The following GJE1 variants were observed in gnomAD, a reference collection of about 807,000 sequenced individuals.
GJE1 encodes gap junction protein epsilon 1.
A neutral mutation model predicts 6.2 loss-of-function variants in GJE1; 9 were observed. That is an observed-to-expected ratio of 1.45 (90% confidence interval 0.87 to 2.52). GJE1 has a LOEUF of 2.52. Ranked by LOEUF, GJE1 falls within the 30% of genes most tolerant of loss-of-function variation. The pLI is 0.00. For synonymous variants in GJE1, 65 were observed against 30.1 expected (o/e 2.16, Z -3.80); for missense variants, 190 against 87.7 (o/e 2.17, Z -4.66).
At chr6:142,133,890 T>C (rs1458870838) in exon 2 of GJE1, 19 of 702,062 alleles carry the variant, frequency 2.7e-5, no homozygotes, top group Non-Finnish European at 4.7e-5. Flanking sequence ...CACACCCTTT[T>C]CTTTGGATCG....
intron 1 of GJE1, 95 bp downstream of exon 1, chr6:142,133,292 C>G (rs2114608643): frequency 2.0e-6 from 1 of 506,910 alleles, no homozygotes; most frequent in South Asian, 3.3e-5. Flanking sequence ...TTCTCTACAT[C>G]TATGGAGAAT....
chr6:142,134,606 T>A (rs761569315), exon 3 of GJE1: 8 of 668,788 alleles, frequency 1.2e-5, no homozygotes, highest in Non-Finnish European at 2.1e-5. Context: ...TGTAAAAGCA[T>A]CAATCAAGAA....
rs1332261655 is a variant in GJE1 at position 142,134,734 on chromosome 6, TCTCTTTAC to T, written c.433_440del (p.Leu145ValfsTer2). The T allele has an allele frequency of 1.7e-5, 12 of 690,038 alleles. No individual in the cohort carries two copies. Among genetic ancestry groups the T allele is most frequent in the Non-Finnish European group, 3.1e-5 (12 of 381,154 alleles). The allele number at this position is 690,038 out of a possible 1,614,324, so 42.7% of individuals were successfully genotyped here. The stretch of plus-strand genomic sequence containing the variant: ...TTACCTCTTTGGTTTCCAAGTAAAA[TCTCTTTAC>T]CTGTGTGATGCTAGATCTCTTGGGG... On this transcript the variant is annotated frameshift_variant, in exon 3 of 3. Transcript: ENST00000450456. LOFTEE classifies it high-confidence loss of function.
At chr6:142,133,960 C>G (rs2114609290) in exon 2 of GJE1, 1 of 702,516 alleles carries the variant, frequency 1.4e-6, no homozygotes, top group Non-Finnish European at 2.6e-6. Context: ...AGGCCTTGCA[C>G]TTCATTTGCG....
In GJE1 at chr6:142,134,641, A is replaced by ACTATAATTTATATACTCTCTGTT; in HGVS notation, c.338_360dup (p.Leu122Ter). 1 of 692,796 alleles carries ACTATAATTTATATACTCTCTGTT rather than the reference A, an allele frequency of 1.4e-6. No individual in the cohort carries two copies. The highest frequency in any genetic ancestry group is 2.6e-6 in the Non-Finnish European group (1 of 382,086). The allele number at this position is 692,796 out of a possible 1,614,324, so 42.9% of individuals were successfully genotyped here. A position where few individuals can be genotyped will look rare whatever the true frequency, so the allele number is the denominator to read the frequency against. The stretch of plus-strand genomic sequence containing the variant: ...ATGCATTCTTCAAAAGCCTATCTAC[A>ACTATAATTTATATACTCTCTGTT]CTATAATTTATATACTCTCTGTTTT... On this transcript the variant is annotated frameshift_variant, in exon 3 of 3. Coordinates refer to ENST00000450456, the Ensembl canonical transcript of GJE1. LOFTEE classifies it high-confidence loss of function.
exon 2 of GJE1, chr6:142,133,870 T>C (rs1299256336): frequency 2.9e-6 from 2 of 697,246 alleles, no homozygotes; most frequent in Non-Finnish European, 5.3e-6. Flanking sequence ...CAACTGTGAT[T>C]GGTCAATTCC....
chr6:142,134,946 C>T, exon 3 of GJE1: 1 of 515,162 alleles, frequency 1.9e-6, no homozygotes, highest in South Asian at 3.2e-5. Flanking sequence ...TATTGTCATG[C>T]TGCAGTTATT....
At chr6:142,133,852 T>A (rs966344127) in exon 2 of GJE1, 1 of 678,600 alleles carries the variant, frequency 1.5e-6, no homozygotes, top group Non-Finnish European at 2.7e-6. Flanking sequence ...CATAACAGGT[T>A]AAACCTCCAA....
At chr6:142,134,886 C>T (rs775493358) in exon 3 of GJE1, 1 of 618,094 alleles carries the variant, frequency 1.6e-6, no homozygotes. Flanking sequence ...TTTTTGAGAT[C>T]ATATTTAGAA....
At chr6:142,134,033 G>A (rs1163207452) in exon 2 of GJE1, 1 of 682,948 alleles carries the variant, frequency 1.5e-6, no homozygotes. Flanking sequence ...CACTCCACAA[G>A]TAAGTTTTTC....
chr6:142,133,557 T>C (rs1013788147), intron 1 of GJE1, among the ~76,000 whole-genome samples: 3 of 152,206 alleles, frequency 2.0e-5, no homozygotes, highest in African/African-American at 7.2e-5. Context: ...TCTGATTTTA[T>C]TTCAAAGGGA....
At chr6:142,133,288 A>C (rs1333899961) in intron 1 of GJE1, 91 bp downstream of exon 1, 5 of 520,346 alleles carry the variant, frequency 9.6e-6, no homozygotes, top group Admixed American at 6.2e-5. Context: ...TAAATTCTCT[A>C]CATCTATGGA....
At position 142,134,502 on chromosome 6, in the gene GJE1, T is replaced by G. The variant is rs148069821; in HGVS notation, c.235-37T>G. The G allele has an allele frequency of 3.4e-3, 1,644 of 479,966 alleles. 5 individuals carry two copies. Among genetic ancestry groups the G allele is most frequent in the Admixed American group, 4.7e-3 (124 of 26,286 alleles). 29.7% of individuals were successfully genotyped at this position (479,966 alleles called of 1,614,324 possible). On this transcript the variant is annotated intron_variant, in intron 2 of 2. Coordinates refer to ENST00000450456, the Ensembl canonical transcript of GJE1. Reference sequence around the variant, plus strand: ...TTTAGTTACATATTGATTAATTGATTTACTAAGATATTTCTGACATACTTT... The same window carrying G: ...TTTAGTTACATATTGATTAATTGATGTACTAAGATATTTCTGACATACTTT...
exon 1 of GJE1, chr6:142,133,179 A>G: frequency 1.5e-6 from 1 of 687,850 alleles, no homozygotes; most frequent in Non-Finnish European, 2.7e-6. Context: ...ATTACATCAA[A>G]AACTTCTATG....
rs534329981 is a variant in GJE1 at position 142,133,247 on chromosome 6, T to C, written c.39+50T>C. On this transcript the variant is annotated intron_variant, in intron 1 of 2. Transcript: ENST00000450456. ...CAATTGTATGAGTCTTTTCTGAGTATTTTACCCTGAATTGCATAAGTCTTG... is the reference window on the plus strand; with the variant it reads ...CAATTGTATGAGTCTTTTCTGAGTACTTTACCCTGAATTGCATAAGTCTTG... The C allele has an allele frequency of 3.5e-4, 210 of 606,012 alleles. No individual in the cohort carries two copies. In the African/African-American group the frequency reaches 3.7e-3, roughly 11 times the overall value. 37.5% of individuals were successfully genotyped at this position (606,012 alleles called of 1,614,324 possible).
intron 1 of GJE1, among the ~76,000 whole-genome samples, 155 bp downstream of exon 1, chr6:142,133,352 TAAAGAG>T (rs1778179951): frequency 6.6e-6 from 1 of 152,170 alleles, no homozygotes; most frequent in African/African-American, 2.4e-5. Context: ...TTTAAAACTA[TAAAGAG>T]AAAAATTCAG....
chr6:142,133,861 A>T (rs1237219272), exon 2 of GJE1: 1 of 692,872 alleles, frequency 1.4e-6, no homozygotes, highest in Admixed American at 2.0e-5. Flanking sequence ...TTAAACCTCC[A>T]ACTGTGATTG....
intron 2 of GJE1, 131 bp downstream of exon 2, chr6:142,134,175 G>A (rs1377533482): frequency 3.7e-5 from 18 of 485,308 alleles, no homozygotes; most frequent in Non-Finnish European, 6.6e-5. Context: ...TTAATTAGCT[G>A]TATATTTCAG....
upstream of GJE1, chr6:142,133,063 C>A: frequency 1.8e-6 from 1 of 565,348 alleles, no homozygotes. Flanking sequence ...TGTAAGAGTC[C>A]TGAGAGAATG....
Sources: gnomAD v4.1 joint callset for allele counts (sites outside exome capture counted in the v4.1 genomes callset) on GRCh38, gnomAD v4.1.1 for gene constraint, MANE v1.5 for transcripts, NCBI Gene and HGNC (gene_info 2026-07-23, HGNC 2026-07-21) for gene names.